Variants in BABAM2 observed in about 807,000 individuals in gnomAD.
BABAM2 encodes the protein BRISC and BRCA1-A complex member 2.
In BABAM2, 31 loss-of-function variants were observed where a neutral mutation model predicts 54.7. The observed-to-expected ratio is 0.57, with a 90% confidence interval of 0.43 to 0.77. The LOEUF is 0.77. Ranked by LOEUF, BABAM2 falls within the 30% of genes least tolerant of loss-of-function variation. The pLI, the probability that BABAM2 is intolerant of heterozygous loss-of-function variation, is 0.00. For missense variants in BABAM2, 364 were observed against 455.8 expected (o/e 0.80, Z 1.83); for synonymous variants, 167 against 162.9 (o/e 1.03, Z -0.19).
intron 7 of BABAM2, among the ~76,000 whole-genome samples, chr2:28,163,179 A>T (rs1673273709): frequency 6.6e-6 from 1 of 152,026 alleles, no homozygotes; most frequent in Non-Finnish European, 1.5e-5. Flanking sequence ...CTCTCCTCAG[A>T]TGCCTCCCAG....
At chr2:27,933,926 C>A (rs898257184) in intron 3 of BABAM2, among the ~76,000 whole-genome samples, 2 of 151,982 alleles carry the variant, frequency 1.3e-5, no homozygotes, top group Non-Finnish European at 1.5e-5. Flanking sequence ...ATACAGTTAT[C>A]CCTCAATATC....
chr2:28,109,184 CTTTTTTTTTTT>C (rs764380110), intron 6 of BABAM2, among the ~76,000 whole-genome samples: 1 of 101,890 alleles, frequency 9.8e-6, no homozygotes, highest in Non-Finnish European at 2.0e-5. Context: ...GACACATACT[CTTTTTTTTTTT>C]TTTTTTTTTT....
At chr2:28,305,490 A>G (rs1018806753) in intron 11 of BABAM2, among the ~76,000 whole-genome samples, 8 of 152,104 alleles carry the variant, frequency 5.3e-5, no homozygotes, top group Admixed American at 4.6e-4. Flanking sequence ...TTGGTCTAAA[A>G]TTTCTTTTCT....
intron 7 of BABAM2, chr2:28,233,279 G>A (rs1010026548): frequency 4.2e-6 from 2 of 471,190 alleles, no homozygotes; most frequent in Non-Finnish European, 8.8e-6. Context: ...TAGTGGGTTA[G>A]TCAGGCCCTG....
chr2:28,141,713 T>G (rs1271411954), intron 7 of BABAM2, among the ~76,000 whole-genome samples: 3 of 152,194 alleles, frequency 2.0e-5, no homozygotes, highest in African/African-American at 7.2e-5. Flanking sequence ...CACTGGTCCT[T>G]CCAGGGCCCC....
chr2:28,162,282 A>T (rs76543647), intron 7 of BABAM2, among the ~76,000 whole-genome samples: 2,018 of 152,306 alleles, frequency 0.013, 39 homozygotes, highest in African/African-American at 0.045. Context: ...CCTGAAATGT[A>T]CATGGCTCTC....
intron 3 of BABAM2, among the ~76,000 whole-genome samples, chr2:27,936,812 G>A (rs1011989335): frequency 6.6e-6 from 1 of 152,084 alleles, no homozygotes; most frequent in Non-Finnish European, 1.5e-5. Context: ...GTAGGGGCAG[G>A]GGGGAGGGAT....
At position 28,028,584 on chromosome 2, in the gene BABAM2, C is replaced by A. The variant is rs974162289; in HGVS notation, c.495+3164C>A. Among the ~76,000 whole-genome samples the A allele has an allele frequency of 2.0e-5, 3 of 152,082 alleles. No homozygotes were observed. In the East Asian group the frequency reaches 5.8e-4, roughly 29 times the overall value. ...TTTGTTCACTGGTAAATCACAAACG[C>A]CTGGAACAGTGTCTTCCACTTCATT... On this transcript the variant is annotated intron_variant, in intron 5 of 11. Transcript: ENST00000379624.
chr2:27,966,815 A>G (rs1670876020), intron 3 of BABAM2, among the ~76,000 whole-genome samples: 1 of 152,118 alleles, frequency 6.6e-6, no homozygotes, highest in South Asian at 2.1e-4. Context: ...CCTCTATATT[A>G]AGTAGCTTTG....
At chr2:28,311,257 T>G (rs1447044186) in intron 11 of BABAM2, among the ~76,000 whole-genome samples, 3 of 97,782 alleles carry the variant, frequency 3.1e-5, no homozygotes, top group African/African-American at 1.2e-4. Context: ...TGAGACCCTG[T>G]CTCAAAAAAA....
At chr2:28,279,106 G>A (rs1168125499) in intron 10 of BABAM2, among the ~76,000 whole-genome samples, 5 of 152,214 alleles carry the variant, frequency 3.3e-5, no homozygotes, top group African/African-American at 9.6e-5. Flanking sequence ...TGATGAGAAG[G>A]AGCCGGTGGA....
chr2:27,890,372 G>T (rs149354783), upstream of BABAM2: 129 of 1,604,824 alleles, frequency 8.0e-5, no homozygotes, highest in African/African-American at 1.6e-3. This position sits in a 1 kb window ranked among gnomAD's most constrained non-coding sequence, Gnocchi z 4.8. Context: ...TGTCCAACCT[G>T]GACGGTGACC....
intron 10 of BABAM2, among the ~76,000 whole-genome samples, chr2:28,285,749 T>C (rs1382178257): frequency 6.6e-6 from 1 of 151,594 alleles, no homozygotes; most frequent in Non-Finnish European, 1.5e-5. Flanking sequence ...TTTTTTTTTT[T>C]AATGGAAACG....
chr2:28,233,412 G>T (rs1681606115), intron 7 of BABAM2: 3 of 376,286 alleles, frequency 8.0e-6, no homozygotes, highest in Non-Finnish European at 1.6e-5. Context: ...GAATATTAAA[G>T]AATTAGAGAT....
At chr2:28,130,751 T>C (rs1313571266) in intron 7 of BABAM2, among the ~76,000 whole-genome samples, 1 of 151,782 alleles carries the variant, frequency 6.6e-6, no homozygotes, top group Non-Finnish European at 1.5e-5. Context: ...GTTTGTTTGT[T>C]TGTTTTGAGA....
intron 2 of BABAM2, among the ~76,000 whole-genome samples, chr2:27,920,868 T>G (rs1667296006): frequency 6.6e-6 from 1 of 152,222 alleles, no homozygotes. Flanking sequence ...GTTAGCCCTA[T>G]TAAGCCAGAA....
At chr2:28,303,718 C>T (rs1178973066) in intron 11 of BABAM2, among the ~76,000 whole-genome samples, 1 of 152,050 alleles carries the variant, frequency 6.6e-6, no homozygotes, top group Admixed American at 6.6e-5. Context: ...CCAACGCCCC[C>T]CCCACCAAAA....
intron 7 of BABAM2, among the ~76,000 whole-genome samples, chr2:28,153,670 T>G (rs1672264188): frequency 1.3e-5 from 2 of 152,200 alleles, no homozygotes; most frequent in South Asian, 2.1e-4. Context: ...GCATCAGCCT[T>G]GGGAACTTGT....
chr2:28,307,663 C>G (rs1479823464), intron 11 of BABAM2: 1 of 152,066 alleles, frequency 6.6e-6, no homozygotes, highest in Non-Finnish European at 1.5e-5. Context: ...CACTTTCAGT[C>G]TTCGTATTTT....
Sources: allele counts gnomAD v4.1 joint callset (sites outside exome capture counted in the v4.1 genomes callset), GRCh38; gene constraint gnomAD v4.1.1; non-coding constraint Gnocchi (gnomAD v3.1); transcripts MANE v1.5; gene names NCBI Gene and HGNC (gene_info 2026-07-23, HGNC 2026-07-21).